Variants in NPRL3 observed in about 807,000 individuals in gnomAD.
NPRL3 encodes the protein NPR3 like, GATOR1 complex subunit.
In NPRL3, 23 loss-of-function variants were observed where a neutral mutation model predicts 57.2. The ratio of observed to expected loss-of-function variants is 0.40; its 90% CI spans 0.29 to 0.57. The LOEUF is 0.57. Among genes scored for constraint, NPRL3 ranks in the 20% least tolerant of loss-of-function variants. The pLI, the probability that NPRL3 is intolerant of heterozygous loss-of-function variation, is 0.42. For missense variants in NPRL3, 691 were observed against 767.1 expected, an observed-to-expected ratio of 0.90 and a Z score of 1.17; for synonymous variants, 333 against 321.1, an observed-to-expected ratio of 1.04 and a Z score of -0.39.
At chr16:110,420 G>T (rs1235664788) in intron 7 of NPRL3, 105 bp downstream of exon 7, 4 of 827,646 alleles carry the variant, frequency 4.8e-6, no homozygotes. Flanking sequence ...CACCCCAGGA[G>T]AACAGTGGTC....
chr16:124,361 CTTTTTTCTTTTTTTTCT>C (rs1900422001), intron 3 of NPRL3, among the ~76,000 whole-genome samples: 1 of 151,054 alleles, frequency 6.6e-6, no homozygotes, highest in African/African-American at 2.4e-5. Flanking sequence ...TTTTTTTTTC[CTTTTTTCTTTTTTTTCT>C]TCAAAAGAGA....
At chr16:110,818 G>A (rs1899773428) in intron 6 of NPRL3, among the ~76,000 whole-genome samples, 1 of 152,060 alleles carries the variant, frequency 6.6e-6, no homozygotes, top group Admixed American at 6.5e-5. Flanking sequence ...CCAAACTGCT[G>A]GGATTATAAG....
intron 8 of NPRL3, 35 bp from the exon 9 acceptor site, chr16:98,336 G>C (rs1899112326): frequency 1.2e-6 from 2 of 1,608,402 alleles, no homozygotes. Flanking sequence ...AACACACGAA[G>C]TGCAGGAACC....
intron 3 of NPRL3, among the ~76,000 whole-genome samples, chr16:121,056 C>T (rs531936075): frequency 3.7e-4 from 57 of 152,202 alleles, no homozygotes; most frequent in African/African-American, 1.3e-3. Context: ...CTTGCTCTGA[C>T]AGCCCAAAAT....
chr16:134,450 G>C (rs1017650755), intron 2 of NPRL3, among the ~76,000 whole-genome samples: 8 of 152,252 alleles, frequency 5.3e-5, no homozygotes, highest in African/African-American at 1.9e-4. Flanking sequence ...AGAAAAAAAT[G>C]AATTGAAGAC....
rs765556171 is a variant in NPRL3 at position 100,348 on chromosome 16, G to A, written c.767+24C>T. 2.0e-6 allele frequency: 3 copies of A among 1,475,626 alleles called. No individual in the cohort carries two copies. In the South Asian group the frequency reaches 4.2e-5, roughly 20 times the overall value. The allele number at this position is 1,475,626 out of a possible 1,614,324, so 91.4% of individuals were successfully genotyped here. The stretch of plus-strand genomic sequence containing the variant: ...AAAGGGAAGGGCCCTGGCAGGGAGT[G>A]AGCACGTGGGGCTGGGCACTTACCG... On this transcript the variant is annotated intron_variant, in intron 8 of 13. Coordinates refer to ENST00000611875, the MANE Select transcript of NPRL3 (RefSeq NM_001077350.3).
intron 2 of NPRL3, among the ~76,000 whole-genome samples, chr16:133,064 C>T (rs1392540033): frequency 1.3e-5 from 2 of 152,230 alleles, no homozygotes; most frequent in Non-Finnish European, 2.9e-5. Flanking sequence ...AGCTTCCTTA[C>T]CTCTCTCAGC....
chr16:90,143 CCA>C (rs1898702367), intron 11 of NPRL3: 4 of 493,478 alleles, frequency 8.1e-6, no homozygotes, highest in South Asian at 2.8e-5. Context: ...CAGGCTCCCA[CCA>C]CACACCGGGG....
intron 12 of NPRL3, chr16:89,302 A>G (rs989769281): frequency 7.7e-6 from 2 of 260,556 alleles, no homozygotes; most frequent in Non-Finnish European, 1.5e-5. Flanking sequence ...TTCCTTCCCC[A>G]AGCCTGGGGA....
rs183013415 is a variant in NPRL3, at chr16:138,117, C to G, written c.118+33G>C. 1,135 of 1,528,042 alleles carry G rather than the reference C, an allele frequency of 7.4e-4. 9 individuals are homozygous for G. In the African/African-American group the frequency reaches 0.014, roughly 18 times the overall value. 94.7% of individuals were successfully genotyped at this position (1,528,042 alleles called of 1,614,324 possible). A position where few individuals can be genotyped will look rare whatever the true frequency, so the allele number is the denominator to read the frequency against. On this transcript the variant is annotated intron_variant, in intron 2 of 13. Coordinates refer to ENST00000611875, the MANE Select transcript of NPRL3 (RefSeq NM_001077350.3). ...CGACCCCGGAATGAGGCGGCCCCCG[C>G]GAGCGCCAGGCCCCCGCCCAGCGCT...
At chr16:105,774 CAGA>C (rs1899500063) in intron 7 of NPRL3, among the ~76,000 whole-genome samples, 1 of 152,192 alleles carries the variant, frequency 6.6e-6, no homozygotes, top group African/African-American at 2.4e-5. Flanking sequence ...GGCTGTGTTG[CAGA>C]AAGTGAAGAG....
chr16:88,587 G>C, intron 13 of NPRL3, 111 bp downstream of exon 13: 1 of 980,218 alleles, frequency 1.0e-6, no homozygotes, highest in Middle Eastern at 3.2e-4. Flanking sequence ...ATCTCGAACA[G>C]GGCCCCATCT....
intron 3 of NPRL3, 57 bp from the exon 4 acceptor site, chr16:119,312 G>A: frequency 2.0e-6 from 3 of 1,521,540 alleles, no homozygotes; most frequent in Non-Finnish European, 1.8e-6. Flanking sequence ...ACAGCACCAT[G>A]CCCTGCTGGC....
chr16:133,337 G>C (rs981855569), intron 2 of NPRL3, among the ~76,000 whole-genome samples: 1 of 152,066 alleles, frequency 6.6e-6, no homozygotes, highest in Admixed American at 6.6e-5. Context: ...CAATTCTCCC[G>C]TCTCAGCCTC....
At chr16:115,238 G>C (rs578254562) in intron 5 of NPRL3, among the ~76,000 whole-genome samples, 1 of 152,102 alleles carries the variant, frequency 6.6e-6, no homozygotes, top group East Asian at 1.9e-4. Context: ...GCCTCCCGAA[G>C]TGCTAGGAAT....
In NPRL3 at chr16:109,767, A is replaced by C. The variant is rs183827217; in HGVS notation, c.629+758T>G. On this transcript the variant is annotated intron_variant, in intron 7 of 13. Coordinates refer to ENST00000611875, the MANE Select transcript of NPRL3 (RefSeq NM_001077350.3). ...CGTGAAATTGTGGATCTTAACCAGT[A>C]TAACAGGTGGGGAATGGGATCTCTG... 3.3e-4 allele frequency among the ~76,000 whole-genome samples: 51 copies of C among 152,298 alleles called. 2 individuals are homozygous for C. The South Asian group carries it at 1.0e-2, about 30-fold the overall frequency.
intron 7 of NPRL3, among the ~76,000 whole-genome samples, chr16:103,050 G>A (rs184163444): frequency 1.4e-3 from 220 of 152,204 alleles, no homozygotes; most frequent in African/African-American, 4.9e-3. Flanking sequence ...ATCCGTATGC[G>A]ACAGGGAAGA....
At chr16:122,244 G>T (rs930380857) in intron 3 of NPRL3, among the ~76,000 whole-genome samples, 1 of 151,850 alleles carries the variant, frequency 6.6e-6, no homozygotes, top group Non-Finnish European at 1.5e-5. Flanking sequence ...TTACAGGCGC[G>T]TGCCACCAAG....
intron 5 of NPRL3, among the ~76,000 whole-genome samples, chr16:115,937 C>T (rs1900014480): frequency 6.6e-6 from 1 of 152,236 alleles, no homozygotes; most frequent in Non-Finnish European, 1.5e-5. Flanking sequence ...CTATGATTAT[C>T]TCCAGTTTAA....
Sources: gnomAD v4.1 joint callset for allele counts (sites outside exome capture counted in the v4.1 genomes callset) on GRCh38, gnomAD v4.1.1 for gene constraint, MANE v1.5 for transcripts, NCBI Gene and HGNC (gene_info 2026-07-23, HGNC 2026-07-21) for gene names.